NLGN1: variants seen among roughly 807,000 people sequenced by gnomAD.
The protein encoded by NLGN1 is neuroligin-1.
In NLGN1, 12 loss-of-function variants were observed where a neutral mutation model predicts 65.5. The ratio of observed to expected loss-of-function variants is 0.18; its 90% CI spans 0.12 to 0.30. The LOEUF (loss-of-function observed/expected upper bound fraction) is 0.30, where lower values mean the gene tolerates loss of function less well. NLGN1 is among the 10% of genes least tolerant of loss of function. The pLI, the probability that NLGN1 is intolerant of heterozygous loss-of-function variation, is 1.00. For synonymous variants in NLGN1, 350 were observed against 359.5 expected (o/e 0.97, Z 0.30); for missense variants, 750 against 1,007.1 (o/e 0.74, Z 3.46).
At chr3:173,474,472 CAT>C (rs1295583792) in intron 2 of NLGN1, among the ~76,000 whole-genome samples, 1 of 152,108 alleles carries the variant, frequency 6.6e-6, no homozygotes, top group African/African-American at 2.4e-5. Flanking sequence ...TATATATTCT[CAT>C]ATGCAAATAT....
intron 1 of NLGN1, among the ~76,000 whole-genome samples, chr3:173,430,563 T>C (rs918138172): frequency 6.6e-6 from 1 of 152,216 alleles, no homozygotes; most frequent in Non-Finnish European, 1.5e-5. Context: ...GCCAGCCTTC[T>C]CCCCTGTAAA....
intron 3 of NLGN1, among the ~76,000 whole-genome samples, chr3:173,777,580 T>A (rs1705126595): frequency 6.6e-6 from 1 of 151,838 alleles, no homozygotes. Context: ...ATAGTCAACC[T>A]ACTGTGCAAT....
intron 4 of NLGN1, among the ~76,000 whole-genome samples, chr3:174,219,380 C>A (rs1481724481): frequency 6.6e-6 from 1 of 152,048 alleles, no homozygotes; most frequent in Non-Finnish European, 1.5e-5. Flanking sequence ...ATTAAATCTG[C>A]TGCATTGAGT....
At chr3:173,981,518 A>G (rs906255307) in intron 4 of NLGN1, among the ~76,000 whole-genome samples, 6 of 152,172 alleles carry the variant, frequency 3.9e-5, no homozygotes, top group African/African-American at 4.8e-5. Flanking sequence ...TCTATATTAC[A>G]TTAAAGCAGG....
intron 5 of NLGN1, 114 bp from the exon 6 acceptor site, chr3:174,278,745 CCT>C (rs1751045505): frequency 3.9e-6 from 3 of 770,502 alleles, no homozygotes; most frequent in Non-Finnish European, 3.7e-6. Context: ...TCTCTAACTC[CCT>C]GTTTCTTGAG....
chr3:173,823,400 C>A (rs1249419189), intron 4 of NLGN1, among the ~76,000 whole-genome samples: 1 of 151,968 alleles, frequency 6.6e-6, no homozygotes, highest in East Asian at 1.9e-4. Context: ...AAAATATTAT[C>A]ATTTCTAAAT....
At chr3:173,905,690 T>TA (rs1203125947) in intron 4 of NLGN1, among the ~76,000 whole-genome samples, 1 of 152,070 alleles carries the variant, frequency 6.6e-6, no homozygotes, top group Non-Finnish European at 1.5e-5. Context: ...AAATGTTTGG[T>TA]AAAAATAACA....
chr3:173,600,929 T>G (rs542152321), intron 2 of NLGN1, among the ~76,000 whole-genome samples: 16 of 152,142 alleles, frequency 1.1e-4, no homozygotes, highest in African/African-American at 3.9e-4. Flanking sequence ...TTTTCTGAGT[T>G]TCTCAGAAAC....
At chr3:173,857,629 A>C (rs1332830498) in intron 4 of NLGN1, among the ~76,000 whole-genome samples, 2 of 152,068 alleles carry the variant, frequency 1.3e-5, no homozygotes, top group Non-Finnish European at 1.5e-5. Flanking sequence ...TGGATTGCGA[A>C]AAGAGGGCTA....
chr3:173,943,438 A>C (rs144130448), intron 4 of NLGN1, among the ~76,000 whole-genome samples: 39 of 152,270 alleles, frequency 2.6e-4, no homozygotes, highest in Non-Finnish European at 3.8e-4. Context: ...CTAGAAAACA[A>C]GTGAGTTCAG....
At chr3:173,863,926 T>C (rs1448553164) in intron 4 of NLGN1, among the ~76,000 whole-genome samples, 1 of 152,192 alleles carries the variant, frequency 6.6e-6, no homozygotes, top group East Asian at 1.9e-4. Flanking sequence ...GCAGCAGACA[T>C]AGTTAACGCC....
At chr3:173,967,991 C>A (rs143809785) in intron 4 of NLGN1, among the ~76,000 whole-genome samples, 2 of 152,122 alleles carry the variant, frequency 1.3e-5, no homozygotes, top group Non-Finnish European at 2.9e-5. Context: ...TGGTAGCTGA[C>A]GCGTGTTCCA....
At chr3:173,714,652 T>C in intron 3 of NLGN1, among the ~76,000 whole-genome samples, 1 of 152,140 alleles carries the variant, frequency 6.6e-6, no homozygotes, top group East Asian at 1.9e-4. Context: ...GCAAGTGATC[T>C]CTAAACTGGA....
chr3:174,100,514 A>G (rs2152573571), intron 4 of NLGN1, among the ~76,000 whole-genome samples: 1 of 147,302 alleles, frequency 6.8e-6, no homozygotes, highest in South Asian at 2.1e-4. Context: ...TGTGGCCCAC[A>G]AGCCCCCTTA....
At chr3:173,989,182 C>T (rs1370704538) in intron 4 of NLGN1, among the ~76,000 whole-genome samples, 2 of 152,162 alleles carry the variant, frequency 1.3e-5, no homozygotes, top group African/African-American at 4.8e-5. Context: ...ACAGTCACAT[C>T]AACTGATAAA....
At chr3:174,021,105 G>A (rs1473982888) in intron 4 of NLGN1, among the ~76,000 whole-genome samples, 1 of 151,770 alleles carries the variant, frequency 6.6e-6, no homozygotes, top group Non-Finnish European at 1.5e-5. Flanking sequence ...GTTGGCCCTG[G>A]TTTCTGGCAA....
intron 3 of NLGN1, among the ~76,000 whole-genome samples, chr3:173,778,081 C>A (rs1780581938): frequency 6.6e-6 from 1 of 151,744 alleles, no homozygotes; most frequent in Non-Finnish European, 1.5e-5. Flanking sequence ...TTGGTACCTG[C>A]AAGGTCATTC....
At chr3:173,447,707 T>C (rs375724498) in intron 2 of NLGN1, among the ~76,000 whole-genome samples, 27 of 152,154 alleles carry the variant, frequency 1.8e-4, no homozygotes, top group Admixed American at 1.4e-3. Flanking sequence ...GAATGTTCTT[T>C]CATTTGTTTG....
rs60903414 is a variant in NLGN1 at position 173,521,478 on chromosome 3, G to T, written c.-320-82801G>T. ...AAGTATTGAACACCCAAATGAGGCA[G>T]TGATTCAAAAAGAGAGTAGTAAAGC... On this transcript the variant is annotated intron_variant, in intron 2 of 6. Transcript: ENST00000457714. Among the ~76,000 whole-genome samples the T allele has an allele frequency of 1.0e-3, 153 of 147,812 alleles. 2 individuals are homozygous for T. In the East Asian group the frequency reaches 0.027, roughly 27 times the overall value.
Sources: gnomAD v4.1 joint callset for allele counts (sites outside exome capture counted in the v4.1 genomes callset) on GRCh38, gnomAD v4.1.1 for gene constraint, MANE v1.5 for transcripts, NCBI Gene and HGNC (gene_info 2026-07-23, HGNC 2026-07-21) for gene names.